JARID2: variants seen among roughly 807,000 people sequenced by gnomAD.
JARID2 encodes the protein jumonji and AT-rich interaction domain containing 2, also known as protein Jumonji.
A neutral mutation model predicts 125.6 loss-of-function variants in JARID2; 21 were observed. The observed-to-expected ratio is 0.17, with a 90% CI of 0.12 to 0.24. JARID2 has a LOEUF of 0.24. JARID2 is among the 10% of genes least tolerant of loss of function. JARID2 has a pLI of 1.00. For synonymous variants in JARID2, 736 were observed against 661.6 expected, an observed-to-expected ratio of 1.11 and a Z score of -1.73; for missense variants, 1,303 against 1,639.6, an observed-to-expected ratio of 0.79 and a Z score of 3.55.
intron 1 of JARID2, among the ~76,000 whole-genome samples, chr6:15,281,367 G>A (rs1760742639): frequency 1.3e-5 from 2 of 152,224 alleles, no homozygotes; most frequent in South Asian, 4.1e-4. Flanking sequence ...GCAAAAGAAC[G>A]TGAATACATT....
intron 1 of JARID2, chr6:15,248,944 G>C (rs1179164029): frequency 2.0e-6 from 2 of 985,596 alleles, no homozygotes; most frequent in African/African-American, 1.7e-5. Context: ...TTCCGCTCCG[G>C]AGCGTCGCGC....
intron 1 of JARID2, among the ~76,000 whole-genome samples, chr6:15,324,041 G>C (rs1019343284): frequency 1.3e-5 from 2 of 151,986 alleles, no homozygotes; most frequent in Non-Finnish European, 2.9e-5. Flanking sequence ...AATTAGCCGG[G>C]CGTGGTGGCG....
At chr6:15,417,779 T>A (rs1290438133) in intron 3 of JARID2, among the ~76,000 whole-genome samples, 4 of 152,136 alleles carry the variant, frequency 2.6e-5, no homozygotes, top group Admixed American at 6.5e-5. Context: ...AAATAAAAAA[T>A]TCTCATGTAT....
chr6:15,457,288 C>G (rs1189846754), intron 4 of JARID2, among the ~76,000 whole-genome samples: 2 of 152,166 alleles, frequency 1.3e-5, no homozygotes, highest in African/African-American at 4.8e-5. Flanking sequence ...TAAATCTTCA[C>G]CTTGTTGAAG....
intron 3 of JARID2, among the ~76,000 whole-genome samples, chr6:15,410,799 A>G (rs1400254374): frequency 6.6e-6 from 1 of 152,202 alleles, no homozygotes; most frequent in Non-Finnish European, 1.5e-5. Context: ...CTGAAATTAC[A>G]CTGTGTATTT....
At chr6:15,517,341 CTCCGGCCTGGCAGT>C (rs1771612559) in intron 17 of JARID2, 73 bp downstream of exon 17, 3 of 1,045,936 alleles carry the variant, frequency 2.9e-6, no homozygotes, top group Admixed American at 1.7e-5. Flanking sequence ...GATGTAGGCA[CTCCGGCCTGGCAGT>C]TCTGTGCCTG....
At chr6:15,452,980 A>G (rs914714302) in intron 4 of JARID2, among the ~76,000 whole-genome samples, 3 of 152,244 alleles carry the variant, frequency 2.0e-5, no homozygotes, top group African/African-American at 4.8e-5. Flanking sequence ...CTTGAGGTTC[A>G]TAGTCACTTT....
intron 3 of JARID2, among the ~76,000 whole-genome samples, chr6:15,432,933 A>C (rs1208191645): frequency 6.6e-6 from 1 of 152,196 alleles, no homozygotes; most frequent in Non-Finnish European, 1.5e-5. Flanking sequence ...CGTGCATCAG[A>C]ATCATCTGGA....
intron 1 of JARID2, among the ~76,000 whole-genome samples, chr6:15,300,722 T>TGTGAGAGA (rs1246745065): frequency 2.5e-4 from 28 of 111,190 alleles, no homozygotes; most frequent in African/African-American, 3.7e-4. Flanking sequence ...TGTGTGTGTG[T>TGTGAGAGA]GAGAGAGAGA....
chr6:15,486,179 C>T (rs937686867), intron 5 of JARID2, among the ~76,000 whole-genome samples: 1 of 152,206 alleles, frequency 6.6e-6, no homozygotes, highest in Non-Finnish European at 1.5e-5. Flanking sequence ...TTCCTCCTTC[C>T]CTGAAGAAAC....
At chr6:15,279,493 G>A (rs192570398) in intron 1 of JARID2, among the ~76,000 whole-genome samples, 101 of 152,286 alleles carry the variant, frequency 6.6e-4, no homozygotes, top group Admixed American at 1.8e-3. Flanking sequence ...CTCTGGGGTC[G>A]TGGAAGTATG....
At chr6:15,307,102 C>T (rs1176532862) in intron 1 of JARID2, among the ~76,000 whole-genome samples, 3 of 151,690 alleles carry the variant, frequency 2.0e-5, no homozygotes, top group African/African-American at 4.8e-5. Flanking sequence ...ATGAGCTGGG[C>T]GTGGTGGCAG....
At chr6:15,306,328 C>CTTTTTTT (rs398000594) in intron 1 of JARID2, among the ~76,000 whole-genome samples, 62 of 99,234 alleles carry the variant, frequency 6.2e-4, no homozygotes, top group Non-Finnish European at 8.7e-4. Flanking sequence ...AGTCATATTT[C>CTTTTTTT]TTTTTTTTTT....
intron 2 of JARID2, among the ~76,000 whole-genome samples, chr6:15,397,350 A>G (rs1256881867): frequency 1.3e-5 from 2 of 152,164 alleles, no homozygotes; most frequent in African/African-American, 2.4e-5. Flanking sequence ...ACAATTCTGT[A>G]TTATGTGAAA....
intron 2 of JARID2, among the ~76,000 whole-genome samples, chr6:15,385,410 C>G (rs2127533794): frequency 6.6e-6 from 1 of 152,206 alleles, no homozygotes; most frequent in East Asian, 1.9e-4. Context: ...CACAGCATTT[C>G]TCACTGCCTG....
chr6:15,340,950 C>T (rs904505358), intron 1 of JARID2, among the ~76,000 whole-genome samples: 1 of 152,168 alleles, frequency 6.6e-6, no homozygotes, highest in Non-Finnish European at 1.5e-5. Context: ...GGTCAAAGAC[C>T]TGACCACCTC....
chr6:15,466,148 G>A (rs1480529100), intron 4 of JARID2, among the ~76,000 whole-genome samples: 2 of 152,186 alleles, frequency 1.3e-5, no homozygotes, highest in African/African-American at 2.4e-5. Flanking sequence ...CTCATTTGTG[G>A]AGTTTATTTC....
intron 1 of JARID2, among the ~76,000 whole-genome samples, chr6:15,350,918 C>A (rs544901908): frequency 6.6e-6 from 1 of 151,710 alleles, no homozygotes; most frequent in East Asian, 1.9e-4. Context: ...TATGTTAGGT[C>A]CTCAAGGATT....
intron 5 of JARID2, among the ~76,000 whole-genome samples, chr6:15,471,101 G>T (rs1381696260): frequency 2.0e-5 from 3 of 152,218 alleles, no homozygotes; most frequent in East Asian, 1.9e-4. Context: ...AGCTACAGTG[G>T]CATAGCTTTT....
Sources: allele counts gnomAD v4.1 joint callset (sites outside exome capture counted in the v4.1 genomes callset), GRCh38; gene constraint gnomAD v4.1.1; transcripts MANE v1.5; gene names NCBI Gene and HGNC (gene_info 2026-07-23, HGNC 2026-07-21).